Variants in CORO7 observed in about 807,000 individuals in gnomAD.
CORO7 encodes the protein coronin-7.
A neutral mutation model predicts 126.6 loss-of-function variants in CORO7; 107 were observed. The ratio of observed to expected loss-of-function variants is 0.85; its 90% confidence interval spans 0.72 to 0.99. The LOEUF is 0.99. CORO7 is among the 50% of genes least tolerant of loss of function. CORO7 has a pLI of 0.00. For missense variants in CORO7, 1,314 were observed against 1,255.8 expected (o/e 1.05, Z -0.70); for synonymous variants, 603 against 536.8 (o/e 1.12, Z -1.70).
chr16:4,407,605 G>C lies in CORO7; in HGVS notation c.383C>G (p.Pro128Arg), dbSNP rs1186566494. ...PGVVLGPEDLPVEVLQFHPTS... is the reference protein window; with the variant it reads ...PGVVLGPEDLRVEVLQFHPTS... ...GGGGTGGAACTGCAGTACCTCCACTGGGAGGTCCTCGGGGCCCAGCACCAC... is the reference window on the plus strand; with the variant it reads ...GGGGTGGAACTGCAGTACCTCCACTCGGAGGTCCTCGGGGCCCAGCACCAC... The change falls in exon 5 of 28, where the codon CCA (proline) becomes CGA (arginine). Residue 128 changes from proline to arginine, a missense_variant. By Grantham distance (103) the Pro-to-Arg change is moderately radical. Coordinates refer to ENST00000251166, the MANE Select transcript of CORO7 (RefSeq NM_024535.5). 6.3e-7 allele frequency: 1 copy of C among 1,598,098 alleles called. No individual in the cohort carries two copies. The highest frequency in any genetic ancestry group is 1.1e-5 in the South Asian group (1 of 88,810).
intron 6 of CORO7, among the ~76,000 whole-genome samples, chr16:4,399,619 A>G (rs911328293): frequency 1.3e-5 from 2 of 152,190 alleles, no homozygotes; most frequent in African/African-American, 2.4e-5. Context: ...ACACTTAAAA[A>G]TGGTTAAGAT....
intron 2 of CORO7, chr16:4,412,684 C>T (rs995972402): frequency 5.0e-5 from 26 of 518,284 alleles, no homozygotes; most frequent in Non-Finnish European, 8.5e-5. Context: ...ACGGGTCATA[C>T]GAAAGGGGCG....
chr16:4,386,844 A>C (rs908582462), intron 9 of CORO7, among the ~76,000 whole-genome samples: 1 of 152,052 alleles, frequency 6.6e-6, no homozygotes. Context: ...CAGCCCGGGG[A>C]AGCCCTTGGC....
intron 14 of CORO7, 86 bp downstream of exon 14, chr16:4,364,190 A>G (rs2054273289): frequency 3.6e-6 from 5 of 1,405,322 alleles, no homozygotes; most frequent in Non-Finnish European, 4.6e-6. Context: ...TGTCTCAAAA[A>G]AAAAAAAAGG....
chr16:4,378,354 A>G (rs1463966288), intron 9 of CORO7, among the ~76,000 whole-genome samples: 1 of 152,130 alleles, frequency 6.6e-6, no homozygotes, highest in Non-Finnish European at 1.5e-5. Flanking sequence ...CAGGCTGGCC[A>G]GGCTGGCCAC....
Position 4,359,673 on chromosome 16 carries a change from G to A in CORO7, c.2109-52C>T, listed in dbSNP as rs757124835. 2.7e-5 allele frequency: 41 copies of A among 1,540,118 alleles called. No individual in the cohort carries two copies. The South Asian group carries it at 4.8e-4, about 18-fold the overall frequency. ...AGGTGTTTCAGAGCTGAAGGGGCCT[G>A]GGGCAGGGAGAAGGCGCCCACGTAG... On this transcript the variant is annotated intron_variant, in intron 21 of 27. Coordinates refer to ENST00000251166, the MANE Select transcript of CORO7 (RefSeq NM_024535.5).
intron 7 of CORO7, among the ~76,000 whole-genome samples, chr16:4,394,876 G>A (rs2055528188): frequency 6.6e-6 from 1 of 152,220 alleles, no homozygotes; most frequent in African/African-American, 2.4e-5. Flanking sequence ...CTCAGTCCCT[G>A]GACCCTGTAC....
chr16:4,413,330 G>T lies in CORO7; in HGVS notation c.135C>A (p.Ile45=), dbSNP rs747280292. 2 of 1,583,618 alleles carry T rather than the reference G, an allele frequency of 1.3e-6. No individual in the cohort carries two copies. Among genetic ancestry groups the T allele is most frequent in the Non-Finnish European group, 1.7e-6 (2 of 1,163,736 alleles). ...TACCAGGACGGTCGGAGTTGAAGGC[G>T]ATCAAGCTGCAGCTTGATTTGATGT... is the stretch of plus-strand genomic sequence containing the variant. ...RNHIKSSCSL[I]AFNSDRPGVL... The change falls in exon 2 of 28, where the codon ATC becomes ATA. Residue 45 remains isoleucine, a synonymous_variant. Coordinates refer to ENST00000251166, the MANE Select transcript of CORO7 (RefSeq NM_024535.5).
At chr16:4,396,080 A>AT (rs376025291) in intron 6 of CORO7, among the ~76,000 whole-genome samples, 3,935 of 149,252 alleles carry the variant, frequency 0.026, 88 homozygotes, top group Middle Eastern at 0.049. Flanking sequence ...GGCCATAATA[A>AT]TTTTTTTTTT....
In CORO7 at chr16:4,391,945, G is replaced by A. The variant is rs558896723; in HGVS notation, c.616-3314C>T. The stretch of plus-strand genomic sequence containing the variant: ...GGTGCAGGAGGGGAGGCGCGTGCCC[G>A]CCCCTTCATCACCATGGCGACACTT... On this transcript the variant is annotated intron_variant, in intron 7 of 27. Coordinates refer to ENST00000251166, the MANE Select transcript of CORO7 (RefSeq NM_024535.5). 1.1e-4 allele frequency among the ~76,000 whole-genome samples: 17 copies of A among 152,290 alleles called. No homozygotes were observed. The East Asian group carries it at 3.1e-3, about 28-fold the overall frequency.
intron 2 of CORO7, 123 bp downstream of exon 2, chr16:4,413,185 C>T (rs1414304844): frequency 9.7e-5 from 96 of 993,698 alleles, no homozygotes; most frequent in Non-Finnish European, 1.1e-4. Context: ...CACCTCTGAG[C>T]CCCCCAAAGC....
chr16:4,371,561 G>A (rs1243325314), intron 9 of CORO7, among the ~76,000 whole-genome samples: 4 of 152,226 alleles, frequency 2.6e-5, no homozygotes, highest in East Asian at 3.9e-4. Flanking sequence ...GTGCCTCATA[G>A]GCATCTGGGC....
In CORO7 at chr16:4,365,136, C is replaced by A. The variant is rs528328410; in HGVS notation, c.841-76G>T. 16 of 1,542,536 alleles carry A rather than the reference C, an allele frequency of 1.0e-5. 1 individual carries two copies. The highest frequency in any genetic ancestry group is 5.9e-5 in the Admixed American group (3 of 50,972). ...GGCCCAGGACTGGCATCAGCTCCCC[C>A]ACAGGTCCCCAAGGACCTGAGCCAC... On this transcript the variant is annotated intron_variant, in intron 10 of 27. Transcript: ENST00000251166.
intron 9 of CORO7, chr16:4,387,747 C>G: frequency 5.2e-6 from 3 of 579,762 alleles, no homozygotes; most frequent in Non-Finnish European, 9.2e-6. Context: ...CCTCTGGTGA[C>G]CAAGGGCCCA....
In CORO7 at chr16:4,416,498, G is replaced by C. The variant is rs1457993006; in HGVS notation, c.21C>G (p.Ser7=). The part of the protein sequence containing the change: MNRFRV[S]KFRHTEARPP... ...GCCGAGCCTCGGTGTGCCGGAACTT[G>C]GACACCCTGAAGCGGTTCATGGCGA... The change falls in exon 1 of 28, where the codon TCC becomes TCG. Residue 7 remains serine, a synonymous_variant. Coordinates refer to ENST00000251166, the MANE Select transcript of CORO7 (RefSeq NM_024535.5). 1.9e-6 allele frequency: 3 copies of C among 1,580,396 alleles called. No individual in the cohort carries two copies. The Admixed American group carries it at 5.3e-5, about 28-fold the overall frequency.
intron 9 of CORO7, chr16:4,381,623 A>G: frequency 6.3e-7 from 1 of 1,598,720 alleles, no homozygotes; most frequent in Non-Finnish European, 8.5e-7. Context: ...CTGGCCGGCA[A>G]CACCCGCATT....
chr16:4,364,297 G>A lies in CORO7; in HGVS notation c.1254C>T (p.Pro418=), dbSNP rs1006067360. The A allele has an allele frequency of 9.0e-6, 14 of 1,548,370 alleles. No homozygotes were observed. The highest frequency in any genetic ancestry group is 6.1e-5 in the Admixed American group (3 of 49,196). The part of the protein sequence containing the change: ...DTAQPAVMET[P]VGDADASEGF... The stretch of plus-strand genomic sequence containing the variant: ...TTACGCTTGCGTCTGCATCACCCAC[G>A]GGTGTCTCCATCACCGCAGGCTGGG... Residue 418 remains proline, a synonymous_variant, in exon 14 of 28, where the codon CCC becomes CCT. Transcript: ENST00000251166.
At chr16:4,381,232 A>G (rs1166759014) in intron 9 of CORO7, 2 of 1,611,652 alleles carry the variant, frequency 1.2e-6, no homozygotes, top group Non-Finnish European at 1.7e-6. Context: ...CACCAATGAG[A>G]CCTTCCGTGG....
intron 9 of CORO7, among the ~76,000 whole-genome samples, chr16:4,383,907 T>C (rs1203634947): frequency 6.6e-6 from 1 of 152,198 alleles, no homozygotes; most frequent in East Asian, 1.9e-4. Context: ...CCCTGGGCTC[T>C]CTCATTCCAG....
Sources: allele counts gnomAD v4.1 joint callset (sites outside exome capture counted in the v4.1 genomes callset), GRCh38; gene constraint gnomAD v4.1.1; transcripts MANE v1.5; gene names NCBI Gene and HGNC (gene_info 2026-07-23, HGNC 2026-07-21).